Variants in PUS10 observed in about 807,000 individuals in gnomAD.
PUS10 encodes the protein pseudouridine synthase 10, also known as tRNA pseudouridine synthase Pus10.
Under a neutral mutation model 75.0 loss-of-function variants are expected in PUS10, and 59 were observed. The ratio of observed to expected loss-of-function variants is 0.79; its 90% CI spans 0.64 to 0.98. The LOEUF is 0.98. Ranked by LOEUF, PUS10 falls within the 50% of genes least tolerant of loss-of-function variation. The pLI, the probability that PUS10 is intolerant of heterozygous loss-of-function variation, is 0.00. For missense variants in PUS10, 650 were observed against 614.4 expected, an observed-to-expected ratio of 1.06 and a Z score of -0.61; for synonymous variants, 219 against 211.6, an observed-to-expected ratio of 1.03 and a Z score of -0.30.
At chr2:60,950,338 C>T (rs1006614483) in intron 15 of PUS10, among the ~76,000 whole-genome samples, 1 of 152,136 alleles carries the variant, frequency 6.6e-6, no homozygotes, top group African/African-American at 2.4e-5. Flanking sequence ...TATAGACATA[C>T]GTCTATCTTT....
At chr2:60,986,402 C>T (rs1051301923) in intron 4 of PUS10, among the ~76,000 whole-genome samples, 1 of 151,924 alleles carries the variant, frequency 6.6e-6, no homozygotes, top group African/African-American at 2.4e-5. Context: ...GAAGGTAAAC[C>T]TCATTCCCCA....
chr2:60,961,795 T>C (rs1237911304), intron 9 of PUS10, among the ~76,000 whole-genome samples: 3 of 152,216 alleles, frequency 2.0e-5, no homozygotes, highest in African/African-American at 7.2e-5. Flanking sequence ...AGGCAAAAAC[T>C]GCAATTACTT....
chr2:61,017,501 G>T, intron 1 of PUS10: 1 of 381,302 alleles, frequency 2.6e-6, no homozygotes. Context: ...CAGAAATATC[G>T]ATGAGCCTTT....
intron 15 of PUS10, among the ~76,000 whole-genome samples, chr2:60,952,480 G>C (rs1675404067): frequency 6.6e-6 from 1 of 152,130 alleles, no homozygotes; most frequent in African/African-American, 2.4e-5. Flanking sequence ...CAAAATGCAT[G>C]TGCTTTACAT....
At chr2:60,978,556 G>C (rs1256023725) in intron 4 of PUS10, among the ~76,000 whole-genome samples, 1 of 151,834 alleles carries the variant, frequency 6.6e-6, no homozygotes, top group Non-Finnish European at 1.5e-5. Flanking sequence ...GGTCCCTAAA[G>C]AACTGAGGAT....
intron 4 of PUS10, among the ~76,000 whole-genome samples, chr2:60,986,417 T>C (rs1016227730): frequency 6.6e-6 from 1 of 152,166 alleles, no homozygotes; most frequent in Non-Finnish European, 1.5e-5. Flanking sequence ...TCCCCATAAA[T>C]GCAACAGCTA....
chr2:60,961,642 G>A (rs1370655358), intron 9 of PUS10, 94 bp from the exon 10 acceptor site: 9 of 1,057,330 alleles, frequency 8.5e-6, no homozygotes, highest in Middle Eastern at 2.1e-4. Flanking sequence ...CATACACAGA[G>A]CCCAAGTCTC....
chr2:61,009,405 C>T (rs550684234), intron 2 of PUS10, among the ~76,000 whole-genome samples: 3 of 152,148 alleles, frequency 2.0e-5, no homozygotes, highest in Admixed American at 2.0e-4. Flanking sequence ...ACTGAATTTC[C>T]ATCCTTGCTA....
intron 4 of PUS10, among the ~76,000 whole-genome samples, chr2:60,976,778 G>A (rs1372710132): frequency 6.6e-6 from 1 of 152,072 alleles, no homozygotes; most frequent in African/African-American, 2.4e-5. Flanking sequence ...TAATGCCCTG[G>A]ACCTGCTTCT....
chr2:60,957,173 C>T (rs929148463), intron 11 of PUS10, among the ~76,000 whole-genome samples: 1 of 152,058 alleles, frequency 6.6e-6, no homozygotes, highest in Non-Finnish European at 1.5e-5. Context: ...AAAATACATG[C>T]TTAAAACTTG....
intron 4 of PUS10, among the ~76,000 whole-genome samples, chr2:60,987,267 CA>C (rs1485011543): frequency 6.6e-6 from 1 of 152,130 alleles, no homozygotes; most frequent in Admixed American, 6.5e-5. Context: ...CACCCAGTGA[CA>C]AAATGCAATA....
At chr2:61,011,173 C>T (rs1679572634) in intron 2 of PUS10, among the ~76,000 whole-genome samples, 1 of 152,028 alleles carries the variant, frequency 6.6e-6, no homozygotes, top group African/African-American at 2.4e-5. Flanking sequence ...CTTTTAGAAT[C>T]AAACATTTCA....
chr2:60,942,767 G>A (rs1273422224), intron 17 of PUS10, among the ~76,000 whole-genome samples: 1 of 152,192 alleles, frequency 6.6e-6, no homozygotes, highest in East Asian at 1.9e-4. Flanking sequence ...CACTTTGGGA[G>A]GCCGATCAAT....
At chr2:60,964,195 CG>C (rs1437950927) in intron 8 of PUS10, among the ~76,000 whole-genome samples, 15 of 152,198 alleles carry the variant, frequency 9.9e-5, no homozygotes, top group African/African-American at 3.6e-4. Context: ...GTGCTGCTTT[CG>C]GCTTGGTCTG....
intron 6 of PUS10, 140 bp downstream of exon 6, chr2:60,967,362 T>G: frequency 1.7e-6 from 1 of 581,336 alleles, no homozygotes; most frequent in Non-Finnish European, 3.0e-6. Context: ...ACTATCAGAA[T>G]TTAACATTTT....
At chr2:61,005,175 C>T (rs529905776) in intron 4 of PUS10, among the ~76,000 whole-genome samples, 19 of 152,190 alleles carry the variant, frequency 1.2e-4, no homozygotes, top group African/African-American at 4.6e-4. Flanking sequence ...GCAGGAGAAT[C>T]GCTTGAACCC....
intron 4 of PUS10, among the ~76,000 whole-genome samples, chr2:60,982,832 GA>G (rs937010359): frequency 1.3e-5 from 2 of 151,214 alleles, no homozygotes; most frequent in Admixed American, 6.6e-5. Context: ...ATATTAAGTC[GA>G]ATTTTTTTTT....
chr2:60,993,301 A>G (rs988633391), intron 4 of PUS10, among the ~76,000 whole-genome samples: 1 of 151,968 alleles, frequency 6.6e-6, no homozygotes, highest in Non-Finnish European at 1.5e-5. Context: ...CTAAGAATAC[A>G]AAAAAATTAG....
intron 4 of PUS10, among the ~76,000 whole-genome samples, chr2:61,005,989 T>C (rs1364286939): frequency 6.6e-6 from 1 of 152,238 alleles, no homozygotes; most frequent in African/African-American, 2.4e-5. Context: ...CATTTAACAG[T>C]ATTAGCAAAG....
Sources: gnomAD v4.1 joint callset for allele counts (sites outside exome capture counted in the v4.1 genomes callset) on GRCh38, gnomAD v4.1.1 for gene constraint, MANE v1.5 for transcripts, NCBI Gene and HGNC (gene_info 2026-07-23, HGNC 2026-07-21) for gene names.